Variants in RAD54L2 observed in about 807,000 individuals in gnomAD.
The protein encoded by RAD54L2 is RAD54 like 2, also known as helicase ARIP4.
In RAD54L2, 27 loss-of-function variants were observed where a neutral mutation model predicts 138.4. That is an observed-to-expected ratio of 0.20 (90% confidence interval 0.14 to 0.27). The LOEUF (loss-of-function observed/expected upper bound fraction) is 0.27, where lower values mean the gene tolerates loss of function less well. RAD54L2 is among the 10% of genes least tolerant of loss of function. RAD54L2 has a pLI of 1.00. For missense variants in RAD54L2, 1,396 were observed against 1,890.2 expected, an observed-to-expected ratio of 0.74 and a Z score of 4.85; for synonymous variants, 644 against 723.2, an observed-to-expected ratio of 0.89 and a Z score of 1.76.
intron 3 of RAD54L2, among the ~76,000 whole-genome samples, chr3:51,594,518 A>G (rs1699916502): frequency 6.6e-6 from 1 of 152,180 alleles, no homozygotes; most frequent in South Asian, 2.1e-4. Context: ...TCTTCAAGGC[A>G]TTGCTCCTTT....
intron 2 of RAD54L2, among the ~76,000 whole-genome samples, chr3:51,553,491 A>C (rs1698893770): frequency 6.6e-6 from 1 of 152,202 alleles, no homozygotes; most frequent in Admixed American, 6.5e-5. Flanking sequence ...ATTGCAATAA[A>C]GCCTGTCACA....
At chr3:51,563,779 G>C (rs1699152632) in intron 2 of RAD54L2, among the ~76,000 whole-genome samples, 1 of 152,114 alleles carries the variant, frequency 6.6e-6, no homozygotes, top group African/African-American at 2.4e-5. Flanking sequence ...TGAAAGTGTT[G>C]ACTCTCACTG....
intron 2 of RAD54L2, among the ~76,000 whole-genome samples, chr3:51,583,433 T>A (rs957127409): frequency 3.3e-5 from 5 of 151,712 alleles, no homozygotes; most frequent in African/African-American, 1.2e-4. Context: ...TTTTTTATTT[T>A]TTTTTTTTTG....
chr3:51,596,649 A>C (rs1477949930), intron 3 of RAD54L2, among the ~76,000 whole-genome samples: 2 of 152,160 alleles, frequency 1.3e-5, no homozygotes, highest in Non-Finnish European at 2.9e-5. Flanking sequence ...CATTTCTTTT[A>C]GGCTACCCTT....
chr3:51,593,547 T>G (rs1699886215), intron 3 of RAD54L2, among the ~76,000 whole-genome samples: 1 of 152,112 alleles, frequency 6.6e-6, no homozygotes, highest in South Asian at 2.1e-4. Context: ...TTAGCCAGAA[T>G]GGTCTTGATC....
chr3:51,636,159 AAGT>A (rs1350267855), intron 10 of RAD54L2, among the ~76,000 whole-genome samples: 1 of 152,254 alleles, frequency 6.6e-6, no homozygotes, highest in African/African-American at 2.4e-5. Flanking sequence ...TATAAAGACA[AAGT>A]AGTAATACTA....
intron 3 of RAD54L2, among the ~76,000 whole-genome samples, chr3:51,623,382 A>G (rs941485437): frequency 6.6e-6 from 1 of 152,194 alleles, no homozygotes; most frequent in Non-Finnish European, 1.5e-5. Flanking sequence ...CAAGCTTTGC[A>G]TGCTCCCAGA....
At position 51,630,373 on chromosome 3, in the gene RAD54L2, A is replaced by G; in HGVS notation, c.583A>G (p.Lys195Glu). Residue 195 changes from lysine to glutamate, a missense_variant, in exon 6 of 23, where the codon AAA becomes GAA. This residue lies in a region of RAD54L2 where 256 missense variants were observed against 344.6 expected (regional missense o/e 0.74). Coordinates refer to ENST00000684192, the MANE Select transcript of RAD54L2 (RefSeq NM_015106.4). ...CAGTAGCAGTGGCAGTGAGGATGAAAAAAGCAGTCGAGATGGTAAGATCAA... is the reference window on the plus strand; with the variant it reads ...CAGTAGCAGTGGCAGTGAGGATGAAGAAAGCAGTCGAGATGGTAAGATCAA... ...LDSSSGSEDE[K>E]SSRDEVIELS... is the part of the protein sequence containing the mutation. 2 of 1,613,876 alleles carry G rather than the reference A, an allele frequency of 1.2e-6. No homozygotes were observed. Among genetic ancestry groups the G allele is most frequent in the Non-Finnish European group, 1.7e-6 (2 of 1,179,780 alleles).
chr3:51,549,000 A>G (rs1279489168), intron 2 of RAD54L2, among the ~76,000 whole-genome samples: 2 of 148,130 alleles, frequency 1.4e-5, no homozygotes, highest in Non-Finnish European at 3.0e-5. Context: ...ATTTTTTTGT[A>G]TTTGTTTTTT....
chr3:51,618,871 A>G (rs1027872395), intron 3 of RAD54L2, among the ~76,000 whole-genome samples: 3 of 152,180 alleles, frequency 2.0e-5, no homozygotes, highest in Admixed American at 6.5e-5. Context: ...TACTCCTCCA[A>G]TTGAGAGGTG....
intron 3 of RAD54L2, among the ~76,000 whole-genome samples, chr3:51,614,936 A>C (rs992545220): frequency 2.0e-5 from 3 of 151,596 alleles, no homozygotes; most frequent in Non-Finnish European, 4.4e-5. Context: ...TTTTTTCTCA[A>C]ACTGGCTTCA....
At chr3:51,540,408 G>T (rs1408950410) in intron 1 of RAD54L2, among the ~76,000 whole-genome samples, 5 of 152,148 alleles carry the variant, frequency 3.3e-5, no homozygotes, top group African/African-American at 1.2e-4. Flanking sequence ...AATGAATTTG[G>T]CCTGTACACT....
chr3:51,551,734 C>A (rs966707557), intron 2 of RAD54L2, among the ~76,000 whole-genome samples: 8 of 151,694 alleles, frequency 5.3e-5, no homozygotes, highest in Admixed American at 5.3e-4. Flanking sequence ...TGCACCCGGC[C>A]TGTAGGATAC....
intron 20 of RAD54L2, among the ~76,000 whole-genome samples, 183 bp from the exon 21 acceptor site, chr3:51,657,394 ATTC>A: frequency 6.6e-6 from 1 of 152,324 alleles, no homozygotes; most frequent in Non-Finnish European, 1.5e-5. Flanking sequence ...TTTTCATAGT[ATTC>A]TTTGTTTAGA....
intron 3 of RAD54L2, among the ~76,000 whole-genome samples, chr3:51,595,899 A>C (rs1699947790): frequency 2.0e-5 from 3 of 149,304 alleles, no homozygotes; most frequent in African/African-American, 7.4e-5. Context: ...GGCTTTCCTT[A>C]TATAATAGTT....
chr3:51,641,010 C>G (rs1475857354), intron 14 of RAD54L2, among the ~76,000 whole-genome samples: 1 of 150,958 alleles, frequency 6.6e-6, no homozygotes, highest in Non-Finnish European at 1.5e-5. Flanking sequence ...TTTTCTTTTT[C>G]TTTTTTTTTG....
intron 2 of RAD54L2, among the ~76,000 whole-genome samples, chr3:51,579,055 C>T (rs539543072): frequency 1.3e-5 from 2 of 152,300 alleles, no homozygotes; most frequent in East Asian, 3.9e-4. Flanking sequence ...CTCTCCGAAG[C>T]TACACCATCA....
chr3:51,585,521 C>T (rs563344472), intron 2 of RAD54L2, among the ~76,000 whole-genome samples: 1 of 152,258 alleles, frequency 6.6e-6, no homozygotes, highest in Non-Finnish European at 1.5e-5. Flanking sequence ...CTTGCCATGC[C>T]TCATGTCTCT....
chr3:51,601,659 A>T (rs984451378), intron 3 of RAD54L2, among the ~76,000 whole-genome samples: 1 of 149,552 alleles, frequency 6.7e-6, no homozygotes, highest in South Asian at 2.1e-4. Context: ...GGCCAGGCTG[A>T]TCTTGAACTC....
Sources: gnomAD v4.1 joint callset for allele counts (sites outside exome capture counted in the v4.1 genomes callset) on GRCh38, gnomAD v4.1.1 for gene constraint, gnomAD v4.1.1 regional missense constraint, MANE v1.5 for transcripts, NCBI Gene and HGNC (gene_info 2026-07-23, HGNC 2026-07-21) for gene names.